Variants in NF1 observed in about 807,000 individuals in gnomAD.
NF1 encodes the protein neurofibromin.
Under a neutral mutation model 325.7 loss-of-function variants are expected in NF1, and 122 were observed. The ratio of observed to expected loss-of-function variants is 0.37; its 90% CI spans 0.32 to 0.44. The LOEUF is 0.44. Ranked by LOEUF, NF1 falls within the 20% of genes least tolerant of loss-of-function variation. The pLI is 1.00. For missense variants in NF1, 2,140 were observed against 3,415.4 expected, an observed-to-expected ratio of 0.63 and a Z score of 9.31; for synonymous variants, 1,091 against 1,186.0, an observed-to-expected ratio of 0.92 and a Z score of 1.65.
chr17:31,121,751 G>C (rs141687241), intron 1 of NF1, among the ~76,000 whole-genome samples: 1 of 152,286 alleles, frequency 6.6e-6, no homozygotes, highest in East Asian at 1.9e-4. Flanking sequence ...TGTTGAGCCA[G>C]CCTTGCATCC....
At chr17:31,252,358 G>T (rs1371541991) in intron 30 of NF1, 1 of 200,442 alleles carries the variant, frequency 5.0e-6, no homozygotes, top group Non-Finnish European at 1.0e-5. Flanking sequence ...AAAAATATGT[G>T]AAATGTTAAG....
chr17:31,361,235 C>A (rs2070393716), intron 57 of NF1: 1 of 154,550 alleles, frequency 6.5e-6, no homozygotes, highest in African/African-American at 2.4e-5. Context: ...AAATTCATCT[C>A]AAGAAAATAA....
chr17:31,306,599 C>T (rs928620044), intron 36 of NF1, among the ~76,000 whole-genome samples: 1 of 151,994 alleles, frequency 6.6e-6, no homozygotes, highest in African/African-American at 2.4e-5. Context: ...GTCTCTGTAG[C>T]GTGGTAGCCT....
chr17:31,353,237 G>T (rs1462794906), intron 51 of NF1, among the ~76,000 whole-genome samples: 1 of 152,130 alleles, frequency 6.6e-6, no homozygotes, highest in Non-Finnish European at 1.5e-5. Flanking sequence ...AATTAAGATT[G>T]CTCAGTTACA....
chr17:31,110,587 T>C (rs902107675), intron 1 of NF1, among the ~76,000 whole-genome samples: 2 of 152,100 alleles, frequency 1.3e-5, no homozygotes, highest in African/African-American at 4.8e-5. Flanking sequence ...ATTCTAGAGA[T>C]GTGAAAGGGT....
intron 11 of NF1, among the ~76,000 whole-genome samples, chr17:31,202,588 T>C (rs1282633554): frequency 6.6e-6 from 1 of 152,154 alleles, no homozygotes; most frequent in African/African-American, 2.4e-5. Flanking sequence ...ACCTTTAAGA[T>C]CGTCTGGCCT....
chr17:31,204,684 A>C (rs1466977446), intron 11 of NF1, among the ~76,000 whole-genome samples: 1 of 152,102 alleles, frequency 6.6e-6, no homozygotes, highest in Non-Finnish European at 1.5e-5. Flanking sequence ...AGCTATTAAA[A>C]AAAGACACAG....
At chr17:31,157,795 T>TAAAA (rs71142027) in intron 2 of NF1, among the ~76,000 whole-genome samples, 3 of 122,146 alleles carry the variant, frequency 2.5e-5, no homozygotes, top group Admixed American at 8.6e-5. Context: ...CCGTCTCTAC[T>TAAAA]AAAAAAAAAA....
In NF1 at chr17:31,185,461, C is replaced by T. The variant is rs116836438; in HGVS notation, c.888+2796C>T. Among the ~76,000 whole-genome samples the T allele has an allele frequency of 4.7e-3, 713 of 152,232 alleles. 6 individuals are homozygous for T. The highest frequency in any genetic ancestry group is 0.016 in the African/African-American group (681 of 41,542). ...AAACGCACTGGACTTATTGGTGAGA[C>T]GTTTGGGTGCCAGAGGATGGGAAAT... On this transcript the variant is annotated intron_variant, in intron 8 of 57. Coordinates refer to ENST00000358273, the MANE Select transcript of NF1 (RefSeq NM_001042492.3).
intron 15 of NF1, chr17:31,222,219 C>T: frequency 5.5e-6 from 6 of 1,098,498 alleles, no homozygotes; most frequent in Non-Finnish European, 5.6e-6. Context: ...GTGGTTACTA[C>T]TGTATTTTTA....
chr17:31,266,525 C>G (rs1172699508), intron 36 of NF1, among the ~76,000 whole-genome samples: 4 of 152,124 alleles, frequency 2.6e-5, no homozygotes, highest in Admixed American at 6.5e-5. Flanking sequence ...TTCTAAATTG[C>G]CTAAGATCAT....
rs8075995 is a variant in NF1, at chr17:31,262,727, G to A, written c.4724+870G>A. ...TATATGAAAGAATGTATAAACATAA[G>A]AATGTATGGGTATATAGTGTCCTTT... On this transcript the variant is annotated intron_variant, in intron 35 of 57. Coordinates refer to ENST00000358273, the MANE Select transcript of NF1 (RefSeq NM_001042492.3). Among the ~76,000 whole-genome samples, 1,374 of 152,198 alleles carry A rather than the reference G, an allele frequency of 9.0e-3. 21 individuals are homozygous for A. The highest frequency in any genetic ancestry group is 0.032 in the African/African-American group (1,316 of 41,538).
chr17:31,145,421 AC>A (rs2095239019), intron 1 of NF1, among the ~76,000 whole-genome samples: 1 of 151,784 alleles, frequency 6.6e-6, no homozygotes, highest in Admixed American at 6.6e-5. Context: ...CAAATTCCTG[AC>A]CTCATGTGAT....
At chr17:31,330,123 G>C (rs915580963) in intron 38 of NF1, among the ~76,000 whole-genome samples, 173 bp from the exon 39 acceptor site, 1 of 151,912 alleles carries the variant, frequency 6.6e-6, no homozygotes, top group Admixed American at 6.6e-5. Flanking sequence ...AAATGATTAA[G>C]GGGTATTTTG....
At chr17:31,219,826 C>G (rs969993552) in intron 14 of NF1, among the ~76,000 whole-genome samples, 1 of 152,112 alleles carries the variant, frequency 6.6e-6, no homozygotes, top group African/African-American at 2.4e-5. Context: ...AATATGTGGC[C>G]TTTTATGTCT....
At chr17:31,327,254 A>G (rs1231477720) in intron 37 of NF1, among the ~76,000 whole-genome samples, 1 of 152,130 alleles carries the variant, frequency 6.6e-6, no homozygotes, top group East Asian at 1.9e-4. Context: ...GAGCCACTGC[A>G]CCCGGCCTTC....
At chr17:31,314,951 CCTTCCCAGCACTTG>C (rs2068982973) in intron 36 of NF1, among the ~76,000 whole-genome samples, 1 of 152,098 alleles carries the variant, frequency 6.6e-6, no homozygotes, top group African/African-American at 2.4e-5. Flanking sequence ...TTCTCCACAC[CCTTCCCAGCACTTG>C]TTATTGCCTG....
chr17:31,105,166 T>A (rs551138779), intron 1 of NF1, among the ~76,000 whole-genome samples: 1 of 152,226 alleles, frequency 6.6e-6, no homozygotes, highest in East Asian at 1.9e-4. Flanking sequence ...CCCAAAGCAC[T>A]GGAATTACAG....
At chr17:31,125,201 TGTAA>T (rs1914778864) in intron 1 of NF1, among the ~76,000 whole-genome samples, 1 of 152,152 alleles carries the variant, frequency 6.6e-6, no homozygotes, top group South Asian at 2.1e-4. Flanking sequence ...GGAATAATAC[TGTAA>T]GTATTCTGAT....
Sources: allele counts gnomAD v4.1 joint callset (sites outside exome capture counted in the v4.1 genomes callset), GRCh38; gene constraint gnomAD v4.1.1; transcripts MANE v1.5; gene names NCBI Gene and HGNC (gene_info 2026-07-23, HGNC 2026-07-21).